The following NRXN3 variants were observed in gnomAD, a reference collection of about 807,000 sequenced individuals.
NRXN3 encodes neurexin 3.
In NRXN3, 32 loss-of-function variants were observed where a neutral mutation model predicts 137.6. The observed-to-expected ratio is 0.23, with a 90% CI of 0.18 to 0.31. The LOEUF (loss-of-function observed/expected upper bound fraction) is 0.31. Ranked by LOEUF, NRXN3 falls within the 10% of genes least tolerant of loss-of-function variation. NRXN3 has a pLI of 1.00. For missense variants in NRXN3, 1,574 were observed against 2,062.5 expected (o/e 0.76, Z 4.59); for synonymous variants, 798 against 784.5 (o/e 1.02, Z -0.29).
At chr14:79,289,257 C>A (rs2153456830) in intron 15 of NRXN3, among the ~76,000 whole-genome samples, 1 of 152,300 alleles carries the variant, frequency 6.6e-6, no homozygotes, top group African/African-American at 2.4e-5. Context: ...TCAGAGAAAT[C>A]TCCCCTTATC....
At chr14:78,983,119 C>A (rs1567894348) in intron 14 of NRXN3, among the ~76,000 whole-genome samples, 2 of 152,168 alleles carry the variant, frequency 1.3e-5, no homozygotes, top group East Asian at 3.9e-4. Context: ...TAGCTACTAT[C>A]AAAAAGACAA....
Position 78,467,377 on chromosome 14 carries a change from A to C in NRXN3, c.757+169517A>C, listed in dbSNP as rs554286107. ...GTATAAAACCAAAACGAGTTTAAAC[A>C]TTATAAACAACACAAGCACAATAAA... On this transcript the variant is annotated intron_variant, in intron 4 of 20. Coordinates refer to ENST00000335750, the MANE Select transcript of NRXN3 (RefSeq NM_001330195.2). Among the ~76,000 whole-genome samples the C allele has an allele frequency of 3.9e-5, 6 of 152,370 alleles. No individual in the cohort carries two copies. In the South Asian group the frequency reaches 1.2e-3, roughly 32 times the overall value.
At chr14:78,279,885 G>C (rs925785494) in intron 3 of NRXN3, among the ~76,000 whole-genome samples, 4 of 152,034 alleles carry the variant, frequency 2.6e-5, no homozygotes, top group African/African-American at 9.7e-5. Context: ...GACTTAAGTA[G>C]GGTTCTTCTG....
chr14:79,640,655 G>T (rs1346622971), intron 16 of NRXN3, among the ~76,000 whole-genome samples: 1 of 135,376 alleles, frequency 7.4e-6, no homozygotes, highest in African/African-American at 2.5e-5. Flanking sequence ...AGCCTTCCTA[G>T]GAAATTAAGT....
chr14:78,448,943 T>C (rs1408698876), intron 4 of NRXN3, among the ~76,000 whole-genome samples: 1 of 152,216 alleles, frequency 6.6e-6, no homozygotes, highest in East Asian at 1.9e-4. Flanking sequence ...TCTCAGTTCC[T>C]GCGTAAGTTC....
At chr14:79,253,565 G>A (rs149248620) in intron 15 of NRXN3, among the ~76,000 whole-genome samples, 33 of 152,300 alleles carry the variant, frequency 2.2e-4, no homozygotes, top group African/African-American at 7.9e-4. Context: ...CTGAAACAGG[G>A]TAATTTATGA....
intron 20 of NRXN3, among the ~76,000 whole-genome samples, chr14:79,840,688 ATGTAAGG>A (rs2099354061): frequency 6.6e-6 from 1 of 152,188 alleles, no homozygotes; most frequent in African/African-American, 2.4e-5. Context: ...ATTTACTGCT[ATGTAAGG>A]TGTAATTATA....
At chr14:79,293,789 T>A (rs2083577717) in intron 15 of NRXN3, among the ~76,000 whole-genome samples, 1 of 152,256 alleles carries the variant, frequency 6.6e-6, no homozygotes, top group Non-Finnish European at 1.5e-5. Flanking sequence ...TCCTGCTTTC[T>A]CTCTGCCCCA....
chr14:79,253,305 G>C (rs2076171434), intron 15 of NRXN3, among the ~76,000 whole-genome samples: 1 of 152,174 alleles, frequency 6.6e-6, no homozygotes, highest in South Asian at 2.1e-4. Flanking sequence ...AGGGAACCCT[G>C]TGCGGCCATA....
At chr14:78,181,364 C>T (rs2059792133) in intron 1 of NRXN3, among the ~76,000 whole-genome samples, 1 of 150,722 alleles carries the variant, frequency 6.6e-6, no homozygotes, top group South Asian at 2.1e-4. Context: ...TAGGGGTAGC[C>T]CCGGGTCTCC....
intron 15 of NRXN3, among the ~76,000 whole-genome samples, chr14:79,286,380 A>G (rs2082255067): frequency 6.6e-6 from 1 of 152,022 alleles, no homozygotes; most frequent in African/African-American, 2.4e-5. Context: ...TTCAATTTTC[A>G]TATTTCTCAA....
intron 4 of NRXN3, among the ~76,000 whole-genome samples, chr14:78,332,048 T>TTA (rs151138375): frequency 9.9e-4 from 150 of 152,270 alleles, no homozygotes; most frequent in East Asian, 7.3e-3. Flanking sequence ...GCCTCTATCC[T>TTA]TATCAACTGT....
At chr14:79,762,062 G>A (rs1254801790) in intron 19 of NRXN3, among the ~76,000 whole-genome samples, 1 of 151,576 alleles carries the variant, frequency 6.6e-6, no homozygotes, top group East Asian at 1.9e-4. Flanking sequence ...GGGGAATGCT[G>A]ATTTTATATT....
chr14:79,317,363 G>A (rs916124205), intron 15 of NRXN3, among the ~76,000 whole-genome samples: 14 of 152,206 alleles, frequency 9.2e-5, no homozygotes, highest in Admixed American at 5.9e-4. Context: ...TGCAGCTGCA[G>A]CACTTTGATC....
At chr14:79,216,752 C>T (rs1251329714) in intron 15 of NRXN3, among the ~76,000 whole-genome samples, 1 of 152,120 alleles carries the variant, frequency 6.6e-6, no homozygotes, top group African/African-American at 2.4e-5. Context: ...GCTTATTTAA[C>T]TACAACTATT....
At chr14:79,582,263 C>A (rs1188195466) in intron 16 of NRXN3, among the ~76,000 whole-genome samples, 1 of 151,006 alleles carries the variant, frequency 6.6e-6, no homozygotes, top group Non-Finnish European at 1.5e-5. Flanking sequence ...ATAATATTAT[C>A]CATAGTTTCA....
chr14:78,178,348 G>A (rs213568), intron 1 of NRXN3, among the ~76,000 whole-genome samples: 23,597 of 152,220 alleles, frequency 0.16, 2,059 homozygotes, highest in South Asian at 0.23. Flanking sequence ...GGCTTAGGAG[G>A]AGGGGGCTGC....
intron 8 of NRXN3, among the ~76,000 whole-genome samples, chr14:78,768,572 GAA>G (rs1167797259): frequency 6.6e-6 from 1 of 152,084 alleles, no homozygotes; most frequent in Non-Finnish European, 1.5e-5. Flanking sequence ...CAGAAATAGA[GAA>G]AAGATATGTA....
chr14:79,699,161 A>G (rs1293514303), intron 19 of NRXN3, among the ~76,000 whole-genome samples: 2 of 151,956 alleles, frequency 1.3e-5, no homozygotes, highest in Admixed American at 6.6e-5. Flanking sequence ...CACACATGCT[A>G]TTACCTGCAT....
Sources: allele counts gnomAD v4.1 joint callset (sites outside exome capture counted in the v4.1 genomes callset), GRCh38; gene constraint gnomAD v4.1.1; transcripts MANE v1.5; gene names NCBI Gene and HGNC (gene_info 2026-07-23, HGNC 2026-07-21).